Variants in APOLD1 observed in about 807,000 individuals in gnomAD.
APOLD1 encodes the protein apolipoprotein L domain-containing protein 1.
In APOLD1, 22 loss-of-function variants were observed where a neutral mutation model predicts 15.3. The observed-to-expected ratio is 1.44, with a 90% CI of 1.03 to 2.05. The LOEUF (loss-of-function observed/expected upper bound fraction) is 2.05, where lower values mean the gene tolerates loss of function less well. Ranked by LOEUF, APOLD1 falls within the 30% of genes most tolerant of loss-of-function variation. The probability of loss-of-function intolerance (pLI) is 0.00; values close to 1 mark genes in which losing one functional copy is unlikely to be tolerated. For synonymous variants in APOLD1, 190 were observed against 167.4 expected, an observed-to-expected ratio of 1.13 and a Z score of -1.04; for missense variants, 394 against 353.5, an observed-to-expected ratio of 1.11 and a Z score of -0.92.
chr12:12,774,500 C>G (rs993784637), intron 1 of APOLD1, among the ~76,000 whole-genome samples: 5 of 118,792 alleles, frequency 4.2e-5, no homozygotes, highest in African/African-American at 1.3e-4. Context: ...GAGCTAAGAT[C>G]ACACTGCTGC....
upstream of APOLD1, among the ~76,000 whole-genome samples, chr12:12,782,506 C>T (rs763185737): frequency 1.3e-5 from 2 of 152,138 alleles, no homozygotes; most frequent in South Asian, 2.1e-4. Flanking sequence ...GCTAATGCCG[C>T]GGTTCAGCTG....
chr12:12,770,629 G>T (rs1333973486), intron 1 of APOLD1, among the ~76,000 whole-genome samples: 1 of 148,442 alleles, frequency 6.7e-6, no homozygotes, highest in Non-Finnish European at 1.5e-5. Context: ...ACTACAAAAG[G>T]TATAAGTGTG....
chr12:12,743,681 A>G (rs1228912746), intron 1 of APOLD1, among the ~76,000 whole-genome samples: 1 of 152,226 alleles, frequency 6.6e-6, no homozygotes, highest in Non-Finnish European at 1.5e-5. Context: ...TTAAGGTTGC[A>G]AATGGAATTG....
At chr12:12,785,473 A>T, upstream of APOLD1, 1 of 642,670 alleles carries the variant, frequency 1.6e-6, no homozygotes, top group Non-Finnish European at 2.6e-6. Flanking sequence ...CGAACACACA[A>T]TGTTCGTTTC....
chr12:12,760,500 G>A (rs745988220), intron 1 of APOLD1, among the ~76,000 whole-genome samples: 7 of 151,624 alleles, frequency 4.6e-5, no homozygotes, highest in Non-Finnish European at 1.0e-4. Flanking sequence ...TTAGCCGGGC[G>A]TGGTTCTGGG....
chr12:12,766,712 G>C lies in APOLD1; in HGVS notation c.97-20197G>C, dbSNP rs540150283. The stretch of plus-strand genomic sequence containing the variant: ...AAAAATACAAAAATTAGCTGAGTGT[G>C]GTGGCACGTGCCTGTAATCCCAATT... On this transcript the variant is annotated intron_variant, in intron 1 of 1. Coordinates refer to the APOLD1 transcript ENST00000326765. Among the ~76,000 whole-genome samples the C allele has an allele frequency of 3.5e-4, 54 of 152,216 alleles. No homozygotes were observed. In the South Asian group the frequency reaches 0.01, roughly 29 times the overall value.
intron 1 of APOLD1, chr12:12,726,174 A>AAT: frequency 1.0e-6 from 1 of 959,720 alleles, no homozygotes; most frequent in Non-Finnish European, 1.5e-6. Flanking sequence ...AAAAAAAAAA[A>AAT]AAAAAAGAGG....
intron 1 of APOLD1, among the ~76,000 whole-genome samples, chr12:12,732,097 A>G (rs1218673918): frequency 2.6e-5 from 4 of 152,172 alleles, no homozygotes; most frequent in African/African-American, 9.7e-5. Context: ...GTCTCTCCAA[A>G]ACCATCACCT....
chr12:12,778,677 G>T (rs78784255), intron 1 of APOLD1, among the ~76,000 whole-genome samples: 1,657 of 152,170 alleles, frequency 0.011, 30 homozygotes, highest in African/African-American at 0.038. Context: ...CCAATAGAAT[G>T]CCAGTGGATG....
chr12:12,758,019 G>A (rs532371164), intron 1 of APOLD1, among the ~76,000 whole-genome samples: 39 of 143,850 alleles, frequency 2.7e-4, no homozygotes, highest in African/African-American at 9.1e-4. Flanking sequence ...TCTGCCTCCC[G>A]GGTTCAAGTG....
chr12:12,726,787 A>G (rs1174904955), intron 1 of APOLD1, among the ~76,000 whole-genome samples: 1 of 152,240 alleles, frequency 6.6e-6, no homozygotes, highest in Non-Finnish European at 1.5e-5. Context: ...TGCCTTTAGC[A>G]AGGCTGTGTT....
At chr12:12,735,514 G>T (rs1448376886) in intron 1 of APOLD1, among the ~76,000 whole-genome samples, 1 of 152,148 alleles carries the variant, frequency 6.6e-6, no homozygotes. Context: ...TGTGCTTGTG[G>T]CTGGGGGGCA....
chr12:12,763,526 A>G (rs185999679), intron 1 of APOLD1, among the ~76,000 whole-genome samples: 4 of 149,238 alleles, frequency 2.7e-5, no homozygotes, highest in South Asian at 4.2e-4. Context: ...GGGGGGGGGA[A>G]AACAATACAA....
intron 1 of APOLD1, among the ~76,000 whole-genome samples, chr12:12,754,710 C>A (rs995525587): frequency 2.0e-5 from 3 of 151,922 alleles, no homozygotes; most frequent in Admixed American, 6.6e-5. Context: ...GGATTACAGG[C>A]GTGAGTCACC....
chr12:12,753,408 G>A (rs867621384), intron 1 of APOLD1, among the ~76,000 whole-genome samples: 40 of 152,326 alleles, frequency 2.6e-4, no homozygotes, highest in Non-Finnish European at 2.8e-4. Context: ...GCTCATGCCC[G>A]TAATCCCAAA....
chr12:12,737,022 G>A (rs1039431654), intron 1 of APOLD1, among the ~76,000 whole-genome samples: 4 of 152,196 alleles, frequency 2.6e-5, no homozygotes, highest in Non-Finnish European at 4.4e-5. Context: ...TTGGCTGTGC[G>A]ATTGGCGTGA....
chr12:12,770,224 G>A (rs1946976290), intron 1 of APOLD1, among the ~76,000 whole-genome samples: 2 of 152,172 alleles, frequency 1.3e-5, no homozygotes, highest in Admixed American at 1.3e-4. Context: ...GACAAGCATG[G>A]TGAAACCTCG....
At chr12:12,785,959 A>T (rs994600222) in intron 1 of APOLD1, among the ~76,000 whole-genome samples, 7 of 152,190 alleles carry the variant, frequency 4.6e-5, no homozygotes, top group African/African-American at 1.7e-4. Flanking sequence ...TCTATGGCTC[A>T]TTTGCCACTT....
intron 1 of APOLD1, among the ~76,000 whole-genome samples, chr12:12,739,262 T>A (rs1946713036): frequency 6.6e-6 from 1 of 152,216 alleles, no homozygotes. Flanking sequence ...AAATATGTGG[T>A]TATTGAGGAA....
Sources: gnomAD v4.1 joint callset for allele counts (sites outside exome capture counted in the v4.1 genomes callset) on GRCh38, gnomAD v4.1.1 for gene constraint, MANE v1.5 for transcripts, NCBI Gene and HGNC (gene_info 2026-07-23, HGNC 2026-07-21) for gene names.